HIBCH: variants seen among roughly 807,000 people sequenced by gnomAD.
HIBCH encodes 3-hydroxyisobutyryl-CoA hydrolase, mitochondrial.
In HIBCH, 50 loss-of-function variants were observed where a neutral mutation model predicts 58.2. The observed-to-expected ratio is 0.86, with a 90% CI of 0.68 to 1.09. HIBCH has a LOEUF of 1.09. Ranked by LOEUF, HIBCH falls within the 50% of genes least tolerant of loss-of-function variation. The pLI, the probability that HIBCH is intolerant of heterozygous loss-of-function variation, is 0.00. For missense variants in HIBCH, 450 were observed against 449.7 expected (o/e 1.00, Z -0.01); for synonymous variants, 151 against 146.9 (o/e 1.03, Z -0.20).
chr2:190,256,564 T>A (rs971699368), intron 7 of HIBCH, among the ~76,000 whole-genome samples: 1 of 151,626 alleles, frequency 6.6e-6, no homozygotes, highest in Admixed American at 6.6e-5. Flanking sequence ...TACAAAAATA[T>A]CCAGCACCCG....
rs769580068 is a variant in HIBCH at position 190,249,719 on chromosome 2, A to G, written c.671T>C (p.Met224Thr). ...THFVDSEKLA[M>T]LEEDLLALKS... Reference sequence around the variant, plus strand: ...CAAGGCTAACAAATCTTCCTCTAACATGGCCAACTAAAGGGGAGGCAGAAA... The same window carrying G: ...CAAGGCTAACAAATCTTCCTCTAACGTGGCCAACTAAAGGGGAGGCAGAAA... The change falls in exon 9 of 14, where the codon ATG (methionine) becomes ACG (threonine). Residue 224 changes from methionine to threonine, a missense_variant. By Grantham distance (81) the Met-to-Thr change is moderately conservative. Coordinates refer to ENST00000359678, the MANE Select transcript of HIBCH (RefSeq NM_014362.4). The G allele has an allele frequency of 6.2e-7, 1 of 1,600,106 alleles. No individual in the cohort carries two copies. Among genetic ancestry groups the G allele is most frequent in the Non-Finnish European group, 8.6e-7 (1 of 1,167,528 alleles).
chr2:190,278,722 G>C (rs1687625000), intron 6 of HIBCH, among the ~76,000 whole-genome samples: 1 of 128,120 alleles, frequency 7.8e-6, no homozygotes, highest in Admixed American at 8.6e-5. Flanking sequence ...CTGGGCAAAA[G>C]AGTGAGACTC....
Position 190,279,832 on chromosome 2 carries a change from CT to C in HIBCH, c.438+7753del. The C allele has an allele frequency of 9.5e-6, 2 of 209,816 alleles. No homozygotes were observed. Among genetic ancestry groups the C allele is most frequent in the South Asian group, 8.0e-5 (1 of 12,496 alleles). 13.0% of individuals were successfully genotyped at this position (209,816 alleles called of 1,614,324 possible). A position where few individuals can be genotyped will look rare whatever the true frequency, so the allele number is the denominator to read the frequency against. On this transcript the variant is annotated intron_variant, in intron 6 of 13. Transcript: ENST00000359678. The surrounding 1 kb of genome is among the most constrained non-coding windows in gnomAD (Gnocchi z 4.2). ...TCAGCATTCCACAAGTTACTTCCTC[CT>C]TCCTTTGTTCTCCTCTGCCTTTGCC...
rs748187666 is a variant in HIBCH at position 190,205,248 on chromosome 2, A to C, written c.1046-16T>G. 1.5e-6 allele frequency: 2 copies of C among 1,311,446 alleles called. No homozygotes were observed. Among genetic ancestry groups the C allele is most frequent in the Non-Finnish European group, 1.1e-6 (1 of 905,882 alleles). 81.2% of individuals were successfully genotyped at this position (1,311,446 alleles called of 1,614,324 possible). A position where few individuals can be genotyped will look rare whatever the true frequency, so the allele number is the denominator to read the frequency against. On this transcript the variant is annotated splice_polypyrimidine_tract_variant and intron_variant, in intron 13 of 13. Coordinates refer to ENST00000359678, the MANE Select transcript of HIBCH (RefSeq NM_014362.4). ...TCAATTAAAACTGTCAAGAGAAGAT[A>C]CAAATGTTAATACCATTATTTTTGT... is the stretch of plus-strand genomic sequence containing the variant.
At chr2:190,290,540 A>C in intron 4 of HIBCH, 55 bp from the exon 5 acceptor site, 1 of 1,088,126 alleles carries the variant, frequency 9.2e-7, no homozygotes, top group Non-Finnish European at 1.4e-6. Flanking sequence ...CAACATTGTC[A>C]ACTAGATCAA....
In HIBCH at chr2:190,319,768, C is replaced by T; in HGVS notation, c.-18G>A. The stretch of plus-strand genomic sequence containing the variant: ...TGCCCCATCGCCAAACACTCCGAAG[C>T]TAAAGCAGCAGAGCGAGAATCTCCC... On this transcript the variant is annotated 5_prime_UTR_variant, in exon 1 of 14. Transcript: ENST00000359678. 1.2e-6 allele frequency: 2 copies of T among 1,609,958 alleles called. No individual in the cohort carries two copies. Among genetic ancestry groups the T allele is most frequent in the Non-Finnish European group, 1.7e-6 (2 of 1,178,246 alleles).
At chr2:190,269,977 G>A (rs533028339) in intron 6 of HIBCH, among the ~76,000 whole-genome samples, 4 of 152,192 alleles carry the variant, frequency 2.6e-5, no homozygotes, top group East Asian at 1.9e-4. Flanking sequence ...CACAGGTACC[G>A]AAAACCAAAT....
chr2:190,196,703 T>C (rs1575680681), intron 1 of HIBCH, among the ~76,000 whole-genome samples: 1 of 152,198 alleles, frequency 6.6e-6, no homozygotes, highest in Non-Finnish European at 1.5e-5. Context: ...TGTTTGAACT[T>C]AGTCAAATGT....
chr2:190,287,027 C>CGTGT (rs56811939), intron 6 of HIBCH, among the ~76,000 whole-genome samples: 3,533 of 142,162 alleles, frequency 0.025, 52 homozygotes, highest in South Asian at 0.062. Flanking sequence ...TAGCATATAA[C>CGTGT]GTGTGTGTGT....
intron 3 of HIBCH, among the ~76,000 whole-genome samples, chr2:190,294,989 A>G (rs1275062553): frequency 6.6e-6 from 1 of 152,234 alleles, no homozygotes; most frequent in African/African-American, 2.4e-5. Flanking sequence ...TGGAGAACAA[A>G]TCAACCCAAA....
intron 7 of HIBCH, among the ~76,000 whole-genome samples, chr2:190,257,505 GAA>G (rs1206625289): frequency 6.7e-6 from 1 of 149,656 alleles, no homozygotes; most frequent in African/African-American, 2.5e-5. Flanking sequence ...GATTGATCAG[GAA>G]AAAAAAAGAG....
chr2:190,261,818 G>C (rs552911483), intron 6 of HIBCH, among the ~76,000 whole-genome samples: 1 of 152,124 alleles, frequency 6.6e-6, no homozygotes, highest in Admixed American at 6.6e-5. Flanking sequence ...AAGGTAAGAA[G>C]AAAAACTACT....
At chr2:190,249,585 A>G (rs1389970405) in intron 9 of HIBCH, 55 bp downstream of exon 9, 1 of 999,070 alleles carries the variant, frequency 1.0e-6, no homozygotes, top group Non-Finnish European at 1.6e-6. Flanking sequence ...CAGTTTTTTA[A>G]TCACTTCCCC....
At chr2:190,302,617 A>C (rs1688294450) in intron 2 of HIBCH, among the ~76,000 whole-genome samples, 1 of 152,198 alleles carries the variant, frequency 6.6e-6, no homozygotes, top group African/African-American at 2.4e-5. Flanking sequence ...GTTTCTGTTT[A>C]ACTCTTAGGG....
At chr2:190,282,079 C>T (rs1200727147) in intron 6 of HIBCH, among the ~76,000 whole-genome samples, 1 of 152,176 alleles carries the variant, frequency 6.6e-6, no homozygotes, top group African/African-American at 2.4e-5. Context: ...CCAGAATCAC[C>T]CTTAATGCTC....
intron 1 of HIBCH, among the ~76,000 whole-genome samples, chr2:190,196,065 T>TTTAC (rs1415188475): frequency 6.6e-6 from 1 of 151,496 alleles, no homozygotes; most frequent in African/African-American, 2.4e-5. Flanking sequence ...TCAATTGTTA[T>TTTAC]TTTTAGTCCA....
At chr2:190,212,672 A>G (rs1489428346) in intron 12 of HIBCH, among the ~76,000 whole-genome samples, 1 of 152,238 alleles carries the variant, frequency 6.6e-6, no homozygotes, top group African/African-American at 2.4e-5. Flanking sequence ...CACAGAGACC[A>G]TCGCTGAAAG....
rs753104788 is a variant in HIBCH, at chr2:190,207,137, A to T, written c.1045+1743T>A. Among the ~76,000 whole-genome samples the T allele has an allele frequency of 6.6e-6, 1 of 151,984 alleles. No individual in the cohort carries two copies. Among genetic ancestry groups the T allele is most frequent in the Non-Finnish European group, 1.5e-5 (1 of 68,004 alleles). ...ACTCCATCTCAAAAAACAAAACAAA[A>T]CAAAAAAAAGTCGTATAATAAGCAC... On this transcript the variant is annotated intron_variant, in intron 13 of 13. Coordinates refer to ENST00000359678, the MANE Select transcript of HIBCH (RefSeq NM_014362.4). The surrounding 1 kb of genome is among the most constrained non-coding windows in gnomAD (Gnocchi z 4.5).
downstream of HIBCH, among the ~76,000 whole-genome samples, chr2:190,199,447 G>A (rs1436859882): frequency 6.8e-6 from 1 of 146,424 alleles, no homozygotes; most frequent in Non-Finnish European, 1.5e-5. Flanking sequence ...ATAAATCTAA[G>A]CTAGCAAAAA....
Sources: gnomAD v4.1 joint callset for allele counts (sites outside exome capture counted in the v4.1 genomes callset) on GRCh38, gnomAD v4.1.1 for gene constraint, Gnocchi (gnomAD v3.1) non-coding constraint, MANE v1.5 for transcripts, NCBI Gene and HGNC (gene_info 2026-07-23, HGNC 2026-07-21) for gene names.